Variants in ADGRL3 observed in about 807,000 individuals in gnomAD.
ADGRL3 encodes the protein adhesion G protein-coupled receptor L3.
In ADGRL3, 62 loss-of-function variants were observed where a neutral mutation model predicts 153.5. The observed-to-expected ratio is 0.40, with a 90% confidence interval of 0.33 to 0.50. The LOEUF is 0.50. Ranked by LOEUF, ADGRL3 falls within the 20% of genes least tolerant of loss-of-function variation. The pLI is 0.47. For synonymous variants in ADGRL3, 710 were observed against 672.5 expected (o/e 1.06, Z -0.86); for missense variants, 1,641 against 1,859.4 (o/e 0.88, Z 2.16).
chr4:61,642,291 A>C (rs1317029778), intron 5 of ADGRL3, among the ~76,000 whole-genome samples: 1 of 152,118 alleles, frequency 6.6e-6, no homozygotes, highest in Non-Finnish European at 1.5e-5. Flanking sequence ...CTTTACTTTA[A>C]TTAGATCCCA....
intron 1 of ADGRL3, among the ~76,000 whole-genome samples, chr4:61,349,023 G>A (rs930899295): frequency 5.9e-5 from 9 of 151,920 alleles, no homozygotes; most frequent in African/African-American, 1.9e-4. Context: ...GGATGTGGGA[G>A]GGGTAGTTAT....
At chr4:61,428,831 TTATCTATC>T (rs4038727) in intron 2 of ADGRL3, among the ~76,000 whole-genome samples, 3,015 of 135,184 alleles carry the variant, frequency 0.022, 78 homozygotes, top group African/African-American at 0.06. Flanking sequence ...TAGCTATCAT[TTATCTATC>T]TATCTATCTA....
intron 13 of ADGRL3, among the ~76,000 whole-genome samples, chr4:61,929,206 T>C (rs956981339): frequency 1.2e-4 from 18 of 152,178 alleles, no homozygotes; most frequent in African/African-American, 4.1e-4. Context: ...ACTAGTGCCC[T>C]TACAAAGGAG....
intron 1 of ADGRL3, among the ~76,000 whole-genome samples, chr4:61,235,186 C>T (rs1289633262): frequency 1.3e-5 from 2 of 152,110 alleles, no homozygotes; most frequent in Non-Finnish European, 1.5e-5. Context: ...TCCAGCCTCC[C>T]AATCCTCACT....
chr4:61,768,592 G>A (rs1186012156), intron 8 of ADGRL3, among the ~76,000 whole-genome samples: 2 of 152,032 alleles, frequency 1.3e-5, no homozygotes, highest in East Asian at 3.9e-4. Flanking sequence ...GCCGTTTTCT[G>A]GCTATTTGGA....
At chr4:61,324,004 G>A (rs1418539317) in intron 1 of ADGRL3, among the ~76,000 whole-genome samples, 2 of 152,204 alleles carry the variant, frequency 1.3e-5, no homozygotes, top group East Asian at 3.8e-4. Flanking sequence ...CATGGTGGAA[G>A]GTAAGGAGGA....
intron 4 of ADGRL3, among the ~76,000 whole-genome samples, chr4:61,576,076 G>A (rs2098877965): frequency 6.6e-6 from 1 of 151,912 alleles, no homozygotes; most frequent in Non-Finnish European, 1.5e-5. Flanking sequence ...GGTTTTTGAA[G>A]TCAATTCATA....
At chr4:62,035,290 A>T (rs1269306871) in intron 23 of ADGRL3, among the ~76,000 whole-genome samples, 1 of 152,030 alleles carries the variant, frequency 6.6e-6, no homozygotes, top group Non-Finnish European at 1.5e-5. Context: ...GGAAAATGCA[A>T]ATAGCCCACG....
At chr4:61,526,125 T>C (rs2098557105) in intron 4 of ADGRL3, among the ~76,000 whole-genome samples, 1 of 152,120 alleles carries the variant, frequency 6.6e-6, no homozygotes, top group Non-Finnish European at 1.5e-5. Flanking sequence ...TGAAGTTCCA[T>C]ACTTTTCTTA....
intron 13 of ADGRL3, among the ~76,000 whole-genome samples, chr4:61,928,908 A>C (rs1409158231): frequency 1.3e-5 from 2 of 152,230 alleles, no homozygotes; most frequent in Non-Finnish European, 2.9e-5. Flanking sequence ...GATAAATATT[A>C]ATGAATACCC....
chr4:61,759,125 T>G (rs1238294022), intron 8 of ADGRL3, among the ~76,000 whole-genome samples: 1 of 152,192 alleles, frequency 6.6e-6, no homozygotes, highest in African/African-American at 2.4e-5. Flanking sequence ...TTTTCCTTCA[T>G]TTCAACTTTG....
rs71604517 is a variant in ADGRL3, at chr4:61,844,546, C to CAAAAAA, written c.1480+30682_1480+30687dup. On this transcript the variant is annotated intron_variant, in intron 9 of 26. Transcript: ENST00000683033. ...TGGGTGACAAAGCGAGACTGCATCT[C>CAAAAAA]AAAAAAAAAAAAAAAAAAAAAAAAA... is the stretch of plus-strand genomic sequence containing the variant. Among the ~76,000 whole-genome samples the CAAAAAA allele has an allele frequency of 1.3e-3, 22 of 17,548 alleles. 1 individual carries two copies. Among genetic ancestry groups the CAAAAAA allele is most frequent in the Non-Finnish European group, 1.4e-3 (17 of 11,784 alleles). 11.5% of individuals were successfully genotyped at this position (17,548 alleles called of 152,430 possible). A position where few individuals can be genotyped will look rare whatever the true frequency, so the allele number is the denominator to read the frequency against.
intron 21 of ADGRL3, among the ~76,000 whole-genome samples, chr4:62,006,003 C>CATATATATATATATATATAT (rs1217370949): frequency 2.0e-5 from 1 of 49,020 alleles, no homozygotes; most frequent in African/African-American, 7.4e-5. Flanking sequence ...CACACACACA[C>CATATATATATATATATATAT]ATATATATAT....
intron 4 of ADGRL3, among the ~76,000 whole-genome samples, chr4:61,521,632 T>C (rs1365362715): frequency 6.6e-6 from 1 of 152,112 alleles, no homozygotes; most frequent in African/African-American, 2.4e-5. Context: ...GTAGTGATGA[T>C]GATGGCCAAA....
chr4:61,335,896 T>A (rs889781374), intron 1 of ADGRL3, among the ~76,000 whole-genome samples: 1 of 152,178 alleles, frequency 6.6e-6, no homozygotes, highest in Non-Finnish European at 1.5e-5. Flanking sequence ...ATTGTCATTG[T>A]AGGAGAAAAG....
intron 8 of ADGRL3, among the ~76,000 whole-genome samples, chr4:61,810,358 C>A (rs1001429488): frequency 6.6e-6 from 1 of 152,062 alleles, no homozygotes; most frequent in Admixed American, 6.6e-5. Flanking sequence ...TTGAAAAAGT[C>A]CCCAACTTCT....
chr4:61,834,798 A>G (rs768059526), intron 9 of ADGRL3, among the ~76,000 whole-genome samples: 8 of 152,148 alleles, frequency 5.3e-5, no homozygotes, highest in Non-Finnish European at 1.0e-4. Context: ...GTTGAAGTGA[A>G]CAGCATACTA....
intron 11 of ADGRL3, among the ~76,000 whole-genome samples, chr4:61,900,920 C>T (rs1321112766): frequency 2.0e-5 from 3 of 152,164 alleles, no homozygotes; most frequent in African/African-American, 7.2e-5. Context: ...CCCGATTTCT[C>T]ACCTATCTTA....
chr4:61,755,854 C>A (rs1035258454), intron 8 of ADGRL3, among the ~76,000 whole-genome samples: 1 of 152,134 alleles, frequency 6.6e-6, no homozygotes, highest in Non-Finnish European at 1.5e-5. Context: ...CCAGTTTTCC[C>A]AGCACCATTT....
Sources: gnomAD v4.1 joint callset for allele counts (sites outside exome capture counted in the v4.1 genomes callset) on GRCh38, gnomAD v4.1.1 for gene constraint, MANE v1.5 for transcripts, NCBI Gene and HGNC (gene_info 2026-07-23, HGNC 2026-07-21) for gene names.